MSH3: variants seen among roughly 807,000 people sequenced by gnomAD.
MSH3 encodes DNA mismatch repair protein Msh3.
A neutral mutation model predicts 123.3 loss-of-function variants in MSH3; 106 were observed. The ratio of observed to expected loss-of-function variants is 0.86; its 90% CI spans 0.73 to 1.01. The LOEUF (loss-of-function observed/expected upper bound fraction) is 1.01. Among genes scored for constraint, MSH3 ranks in the 50% least tolerant of loss-of-function variants. The pLI is 0.00. For synonymous variants in MSH3, 515 were observed against 481.4 expected (o/e 1.07, Z -0.91); for missense variants, 1,459 against 1,347.6 (o/e 1.08, Z -1.29).
chr5:80,697,734 G>C (rs1411466090), intron 8 of MSH3, among the ~76,000 whole-genome samples: 1 of 152,078 alleles, frequency 6.6e-6, no homozygotes, highest in East Asian at 1.9e-4. Context: ...TTGAGATGTA[G>C]AGAAATATAG....
At chr5:80,824,207 G>T (rs879369400) in intron 20 of MSH3, among the ~76,000 whole-genome samples, 5 of 152,206 alleles carry the variant, frequency 3.3e-5, no homozygotes, top group African/African-American at 1.2e-4. Context: ...ATGAGCTGTT[G>T]GGTACACCTC....
chr5:80,819,236 A>T (rs1745158207), intron 20 of MSH3, among the ~76,000 whole-genome samples: 1 of 152,014 alleles, frequency 6.6e-6, no homozygotes, highest in African/African-American at 2.4e-5. Context: ...TTATAATGTT[A>T]TTAGGAGATG....
At chr5:80,836,785 A>G (rs1035019920) in intron 20 of MSH3, among the ~76,000 whole-genome samples, 2 of 151,908 alleles carry the variant, frequency 1.3e-5, no homozygotes, top group African/African-American at 4.8e-5. Flanking sequence ...TATTTTTAAC[A>G]TTTATATTAT....
intron 10 of MSH3, among the ~76,000 whole-genome samples, chr5:80,729,268 A>T (rs980624061): frequency 1.3e-5 from 2 of 151,818 alleles, no homozygotes; most frequent in African/African-American, 4.8e-5. Flanking sequence ...ACAAAAAATT[A>T]GCCGGGCGTG....
At chr5:80,773,133 T>A (rs957052374) in intron 15 of MSH3, among the ~76,000 whole-genome samples, 1 of 152,222 alleles carries the variant, frequency 6.6e-6, no homozygotes, top group African/African-American at 2.4e-5. Flanking sequence ...GAGCTCTGTG[T>A]TAGTCATTAT....
intron 10 of MSH3, among the ~76,000 whole-genome samples, chr5:80,735,381 CAAAAAAA>C (rs58588808): frequency 1.7e-5 from 1 of 59,602 alleles, no homozygotes; most frequent in South Asian, 5.9e-4. Context: ...GACTTCATCT[CAAAAAAA>C]AAAAAAAAAA....
chr5:80,713,890 T>C (rs1750904949), intron 8 of MSH3, among the ~76,000 whole-genome samples: 1 of 152,154 alleles, frequency 6.6e-6, no homozygotes, highest in Admixed American at 6.5e-5. Flanking sequence ...TTTAGCACCT[T>C]TCGGGTGGGA....
chr5:80,720,912 C>T (rs1171073551), intron 8 of MSH3, among the ~76,000 whole-genome samples: 1 of 152,140 alleles, frequency 6.6e-6, no homozygotes, highest in Non-Finnish European at 1.5e-5. Flanking sequence ...GTACAGTTTA[C>T]ACAACTGTAA....
chr5:80,736,858 C>G (rs929170684), intron 10 of MSH3, among the ~76,000 whole-genome samples: 1 of 152,204 alleles, frequency 6.6e-6, no homozygotes, highest in African/African-American at 2.4e-5. Context: ...ATGCCCGGTT[C>G]CCCCTGGACT....
chr5:80,678,462 C>T (rs1374662981), intron 7 of MSH3, among the ~76,000 whole-genome samples: 1 of 152,200 alleles, frequency 6.6e-6, no homozygotes, highest in Non-Finnish European at 1.5e-5. Context: ...TACTACAGTA[C>T]TGGTGGTCTG....
intron 18 of MSH3, among the ~76,000 whole-genome samples, chr5:80,788,440 CAA>C (rs796750519): frequency 6.8e-6 from 1 of 147,168 alleles, no homozygotes; most frequent in Non-Finnish European, 1.5e-5. Flanking sequence ...GACTCTGTCT[CAA>C]AAAAAAAAAT....
At chr5:80,717,566 A>G (rs1750989130) in intron 8 of MSH3, among the ~76,000 whole-genome samples, 1 of 152,112 alleles carries the variant, frequency 6.6e-6, no homozygotes, top group African/African-American at 2.4e-5. Flanking sequence ...GTCTATTTTA[A>G]GTTTTTTAAG....
intron 10 of MSH3, among the ~76,000 whole-genome samples, chr5:80,733,821 G>A (rs916420355): frequency 6.6e-6 from 1 of 152,104 alleles, no homozygotes; most frequent in Non-Finnish European, 1.5e-5. Context: ...AAAAAAAGGT[G>A]TTGGCTGGGA....
chr5:80,732,331 AGAGT>A (rs1743427236), intron 10 of MSH3, among the ~76,000 whole-genome samples: 1 of 152,202 alleles, frequency 6.6e-6, no homozygotes, highest in Admixed American at 6.5e-5. Context: ...ATTTTAGGAA[AGAGT>A]GAGAAAATCC....
At chr5:80,778,881 A>G (rs757440591) in intron 17 of MSH3, 45 bp downstream of exon 17, 1 of 1,094,612 alleles carries the variant, frequency 9.1e-7, no homozygotes, top group East Asian at 2.4e-5. Context: ...TTGCTATCAG[A>G]AACAGACTGG....
intron 12 of MSH3, among the ~76,000 whole-genome samples, chr5:80,759,378 T>C (rs1743992317): frequency 6.6e-6 from 1 of 152,118 alleles, no homozygotes; most frequent in South Asian, 2.1e-4. Flanking sequence ...CCAGACGAAG[T>C]GTAGCTGATG....
intron 22 of MSH3, among the ~76,000 whole-genome samples, chr5:80,869,570 G>C (rs556972887): frequency 6.6e-6 from 1 of 151,964 alleles, no homozygotes; most frequent in South Asian, 2.1e-4. Flanking sequence ...GAGTGGTTGC[G>C]TTCTTTACCT....
intron 20 of MSH3, among the ~76,000 whole-genome samples, chr5:80,823,771 A>G (rs1745240871): frequency 6.6e-6 from 1 of 152,106 alleles, no homozygotes; most frequent in South Asian, 2.1e-4. Context: ...TCATAGGACA[A>G]TAGTGGAGGG....
Position 80,864,794 on chromosome 5 carries a change from TTCTG to T in MSH3, c.3001-15_3001-12del, listed in dbSNP as rs1746072219. The T allele has an allele frequency of 1.3e-6, 2 of 1,597,330 alleles. No individual in the cohort carries two copies. Among genetic ancestry groups the T allele is most frequent in the African/African-American group, 2.7e-5 (2 of 74,782 alleles). On this transcript the variant is annotated splice_polypyrimidine_tract_variant and intron_variant, in intron 21 of 23. Coordinates refer to ENST00000265081, the MANE Select transcript of MSH3 (RefSeq NM_002439.5). ...AAATTTAAAAATGAAATAACATTTA[TTCTG>T]TCTTATTGCTTTAGGTGAAATCCTT...
Sources: allele counts gnomAD v4.1 joint callset (sites outside exome capture counted in the v4.1 genomes callset), GRCh38; gene constraint gnomAD v4.1.1; transcripts MANE v1.5; gene names NCBI Gene and HGNC (gene_info 2026-07-23, HGNC 2026-07-21).